The following PCDHA9 variants were observed in gnomAD, a reference collection of about 807,000 sequenced individuals.
PCDHA9 encodes the protein protocadherin alpha-9.
Under a neutral mutation model 62.0 loss-of-function variants are expected in PCDHA9, and 62 were observed. The ratio of observed to expected loss-of-function variants is 1.00; its 90% confidence interval spans 0.81 to 1.23. The LOEUF is 1.23. Ranked by LOEUF, PCDHA9 falls within the 50% of genes most tolerant of loss-of-function variation. The probability of loss-of-function intolerance (pLI) is 0.00; values close to 1 mark genes in which losing one functional copy is unlikely to be tolerated. For missense variants in PCDHA9, 1,205 were observed against 1,249.8 expected (o/e 0.96, Z 0.54); for synonymous variants, 557 against 567.6 (o/e 0.98, Z 0.27).
chr5:140,848,690 G>T lies in PCDHA9; in HGVS notation c.195G>T (p.Gln65His). The change falls in exon 1 of 4, where the codon CAG (glutamine) becomes CAT (histidine). Residue 65 changes from glutamine to histidine, a missense_variant. By Grantham distance (24) the Gln-to-His change is conservative (BLOSUM62 0). Transcript: ENST00000532602. ...ELAELVPRLF[Q>H]LDSKGRGDLL... ...CGGAGCTGGTGCCGCGCCTGTTCCA[G>T]TTGGATTCCAAAGGCCGCGGGGACC... 2 of 1,592,462 alleles carry T rather than the reference G, an allele frequency of 1.3e-6. No individual in the cohort carries two copies. Among genetic ancestry groups the T allele is most frequent in the Non-Finnish European group, 1.7e-6 (2 of 1,163,330 alleles).
chr5:140,996,976 G>T (rs573896136), intron 3 of PCDHA9, among the ~76,000 whole-genome samples: 1 of 151,960 alleles, frequency 6.6e-6, no homozygotes, highest in Non-Finnish European at 1.5e-5. Context: ...CTCCCCTTTG[G>T]TGAAGCAACC....
chr5:140,857,101 C>T (rs781855221), intron 1 of PCDHA9: 2 of 1,597,612 alleles, frequency 1.3e-6, no homozygotes, highest in Non-Finnish European at 1.7e-6. Flanking sequence ...AGGTGATTGT[C>T]ACTTCTCTGT....
rs1252148937 is a variant in PCDHA9 at position 141,009,582 on chromosome 5, G to T, written c.2543-45G>T. On this transcript the variant is annotated intron_variant, in intron 3 of 3. Coordinates refer to ENST00000532602, the MANE Select transcript of PCDHA9 (RefSeq NM_031857.2). ...CTCTACCAGCAGTGTGGCATCAAGA[G>T]CATGTGTTGACCCTGTTAATGATTT... 16 of 1,590,108 alleles carry T rather than the reference G, an allele frequency of 1.0e-5. No homozygotes were observed. In the African/African-American group the frequency reaches 2.0e-4, roughly 20 times the overall value.
intron 3 of PCDHA9, among the ~76,000 whole-genome samples, chr5:141,005,731 A>AC (rs2098235322): frequency 6.7e-6 from 1 of 149,106 alleles, no homozygotes; most frequent in Non-Finnish European, 1.5e-5. Flanking sequence ...AAAAAAAAAA[A>AC]GAATGGATGA....
chr5:140,871,438 C>T, intron 1 of PCDHA9: 1 of 1,611,836 alleles, frequency 6.2e-7, no homozygotes. Context: ...TCCTCTAGGT[C>T]TGAATAAAGA....
intron 1 of PCDHA9, among the ~76,000 whole-genome samples, chr5:140,909,417 G>A (rs1016868783): frequency 2.0e-5 from 3 of 152,156 alleles, no homozygotes; most frequent in Non-Finnish European, 1.5e-5. Flanking sequence ...TTACCATTTG[G>A]TTAAACTTAT....
In PCDHA9 at chr5:140,852,957, C is replaced by T. The variant is rs193082588; in HGVS notation, c.2394+2068C>T. The T allele has an allele frequency of 2.4e-3, 1,034 of 439,410 alleles. 42 individuals carry two copies. The highest frequency in any genetic ancestry group is 0.021 in the African/African-American group (968 of 46,052). 27.2% of individuals were successfully genotyped at this position (439,410 alleles called of 1,614,324 possible). On this transcript the variant is annotated intron_variant, in intron 1 of 3. Transcript: ENST00000532602. ...GCAGTGGTGCCATCTTGGCTCACTC[C>T]AAGCTCCCCCTCCCGTGTTCACGCC... is the stretch of plus-strand genomic sequence containing the variant.
At chr5:140,950,746 T>C (rs2094515579) in intron 1 of PCDHA9, among the ~76,000 whole-genome samples, 1 of 152,138 alleles carries the variant, frequency 6.6e-6, no homozygotes, top group Non-Finnish European at 1.5e-5. Context: ...AATTTCTCTC[T>C]ATCCTTTCTG....
At chr5:140,968,609 G>C (rs1554230915) in intron 1 of PCDHA9, 1 of 1,614,194 alleles carries the variant, frequency 6.2e-7, no homozygotes, top group Admixed American at 1.7e-5. Context: ...CTCAGACTCT[G>C]GGCAAAATGC....
At position 140,875,743 on chromosome 5, in the gene PCDHA9, G is replaced by T. The variant is rs782705899; in HGVS notation, c.2394+24854G>T. ...CATTTTGTTTGTGAATTCTCGGATCGACCGCGAGAAGCTGTGCGGGCGGAG... is the reference window on the plus strand; with the variant it reads ...CATTTTGTTTGTGAATTCTCGGATCTACCGCGAGAAGCTGTGCGGGCGGAG... On this transcript the variant is annotated intron_variant, in intron 1 of 3. Coordinates refer to ENST00000532602, the MANE Select transcript of PCDHA9 (RefSeq NM_031857.2). 1.8e-5 allele frequency: 29 copies of T among 1,614,226 alleles called. No individual in the cohort carries two copies. The highest frequency in any genetic ancestry group is 2.2e-5 in the Non-Finnish European group (26 of 1,180,038).
At chr5:140,968,480 A>G in intron 1 of PCDHA9, 1 of 1,614,140 alleles carries the variant, frequency 6.2e-7, no homozygotes. Flanking sequence ...TGTGGTGGAC[A>G]TGAATGACCA....
rs572664608 is a variant in PCDHA9 at position 140,918,936 on chromosome 5, T to C, written c.2395-60013T>C. 6.0e-4 allele frequency among the ~76,000 whole-genome samples: 92 copies of C among 152,342 alleles called. 2 individuals are homozygous for C. Among genetic ancestry groups the C allele is most frequent in the Admixed American group, 5.2e-3 (80 of 15,310 alleles). On this transcript the variant is annotated intron_variant, in intron 1 of 3. Transcript: ENST00000532602. ...AACTACACAGCATATGGCATTTTGT[T>C]ATAATATCCTGAACAGACTAAGACA...
intron 1 of PCDHA9, among the ~76,000 whole-genome samples, chr5:140,915,224 G>C (rs2077030896): frequency 6.6e-6 from 1 of 152,144 alleles, no homozygotes; most frequent in African/African-American, 2.4e-5. Context: ...TGGGATTACA[G>C]GCATGAGCCA....
At chr5:140,876,028 A>G in intron 1 of PCDHA9, 1 of 1,613,716 alleles carries the variant, frequency 6.2e-7, no homozygotes, top group Non-Finnish European at 8.5e-7. Flanking sequence ...AAAAACAAAA[A>G]AAGATAAAAG....
At chr5:141,004,637 A>G (rs149340406) in intron 3 of PCDHA9, among the ~76,000 whole-genome samples, 1,579 of 152,220 alleles carry the variant, frequency 0.01, 12 homozygotes, top group Middle Eastern at 0.058. Flanking sequence ...TTGAAGAAAA[A>G]TTTCCATTTT....
At chr5:141,006,353 A>G (rs2098269096) in intron 3 of PCDHA9, among the ~76,000 whole-genome samples, 1 of 151,784 alleles carries the variant, frequency 6.6e-6, no homozygotes, top group Admixed American at 6.6e-5. Flanking sequence ...CTGGGACTAT[A>G]GGCGCCCACC....
At chr5:140,917,530 T>C (rs2078244431) in intron 1 of PCDHA9, among the ~76,000 whole-genome samples, 1 of 152,262 alleles carries the variant, frequency 6.6e-6, no homozygotes, top group Admixed American at 6.5e-5. Flanking sequence ...ACGGTTTGTA[T>C]AGTTTTAGGT....
chr5:140,920,703 G>A (rs1435351032), intron 1 of PCDHA9, among the ~76,000 whole-genome samples: 1 of 152,060 alleles, frequency 6.6e-6, no homozygotes, highest in Non-Finnish European at 1.5e-5. Context: ...CATTAGCTTG[G>A]CATGGTGGTG....
At chr5:140,942,311 G>A (rs781987580) in intron 1 of PCDHA9, among the ~76,000 whole-genome samples, 1 of 152,004 alleles carries the variant, frequency 6.6e-6, no homozygotes, top group Non-Finnish European at 1.5e-5. Flanking sequence ...TTGGGAGGTC[G>A]AGGCACAAGA....
Sources: gnomAD v4.1 joint callset for allele counts (sites outside exome capture counted in the v4.1 genomes callset) on GRCh38, gnomAD v4.1.1 for gene constraint, MANE v1.5 for transcripts, NCBI Gene and HGNC (gene_info 2026-07-23, HGNC 2026-07-21) for gene names.